USP24: variants seen among roughly 807,000 people sequenced by gnomAD.
USP24 encodes the protein ubiquitin carboxyl-terminal hydrolase 24.
Under a neutral mutation model 361.6 loss-of-function variants are expected in USP24, and 97 were observed. The ratio of observed to expected loss-of-function variants is 0.27; its 90% CI spans 0.23 to 0.32. The LOEUF is 0.32. USP24 is among the 10% of genes least tolerant of loss of function. USP24 has a pLI of 1.00. For missense variants in USP24, 2,353 were observed against 3,165.6 expected, an observed-to-expected ratio of 0.74 and a Z score of 6.16; for synonymous variants, 1,098 against 1,124.6, an observed-to-expected ratio of 0.98 and a Z score of 0.47.
intron 52 of USP24, 112 bp downstream of exon 52, chr1:55,093,825 C>T (rs1367372598): frequency 4.9e-6 from 7 of 1,431,274 alleles, no homozygotes; most frequent in East Asian, 4.8e-5. Flanking sequence ...GTGTGTAAGA[C>T]GATGTAGCCC....
rs76569508 is a variant in USP24 at position 55,176,226 on chromosome 1, G to A, written c.558+150C>T. The A allele has an allele frequency of 1.3e-3, 709 of 537,232 alleles. 2 individuals carry two copies. Among genetic ancestry groups the A allele is most frequent in the African/African-American group, 0.012 (606 of 51,638 alleles). The allele number at this position is 537,232 out of a possible 1,614,324, so 33.3% of individuals were successfully genotyped here. Reference sequence around the variant, plus strand: ...TTATAAGCCCCAAATTCAGAGTTCCGTTTTTCATATTAGAGGATTCCTCAG... The same window carrying A: ...TTATAAGCCCCAAATTCAGAGTTCCATTTTTCATATTAGAGGATTCCTCAG... On this transcript the variant is annotated intron_variant, in intron 3 of 67. Coordinates refer to ENST00000294383, the MANE Select transcript of USP24 (RefSeq NM_015306.3).
Position 55,068,994 on chromosome 1 carries a change from G to C in USP24, c.*51C>G. 2 of 1,586,144 alleles carry C rather than the reference G, an allele frequency of 1.3e-6. No homozygotes were observed. The highest frequency in any genetic ancestry group is 1.7e-6 in the Non-Finnish European group (2 of 1,155,064). ...TTCGAGATTCTGATTCCAAGAAGGT[G>C]CTGAGCATCCAGTATTGTGTCTTGA... On this transcript the variant is annotated 3_prime_UTR_variant, in exon 68 of 68. Transcript: ENST00000294383.
intron 30 of USP24, 133 bp downstream of exon 30, chr1:55,133,936 GA>G (rs1215328055): frequency 1.2e-6 from 1 of 858,366 alleles, no homozygotes; most frequent in Admixed American, 2.3e-5. Context: ...CTGGGCTGGT[GA>G]AGGTATTTTT....
At position 55,100,900 on chromosome 1, in the gene USP24, G is replaced by A; in HGVS notation, c.5210C>T (p.Ser1737Phe). ...GCTTTCCATTAAATGTCCAAAGAGA[G>A]ACTGCACTTGGTAAAACACGCTATC... ...PDDSVFYQVQ[S>F]LFGHLMESKL... The change falls in exon 44 of 68, where the codon TCT becomes TTT. Residue 1737 changes from serine (S) to phenylalanine (F), a missense_variant. Around this residue, in one of 8 missense-constraint regions of USP24, gnomAD observed 949 missense variants for 1,280.5 expected, o/e 0.74. Transcript: ENST00000294383. The A allele has an allele frequency of 6.2e-7, 1 of 1,613,700 alleles. No individual in the cohort carries two copies. The highest frequency in any genetic ancestry group is 1.1e-5 in the South Asian group (1 of 91,060).
intron 46 of USP24, 37 bp downstream of exon 46, chr1:55,098,439 T>C (rs1439375752): frequency 1.3e-6 from 2 of 1,553,506 alleles, no homozygotes; most frequent in Admixed American, 1.7e-5. Flanking sequence ...TTCAAAAGGA[T>C]GATCATTTTT....
intron 38 of USP24, among the ~76,000 whole-genome samples, chr1:55,119,597 A>G (rs904846444): frequency 6.6e-6 from 1 of 152,156 alleles, no homozygotes; most frequent in Non-Finnish European, 1.5e-5. Context: ...AAATTTGGCA[A>G]TTCAAAAAAA....
chr1:55,177,539 A>G (rs1261472342), intron 2 of USP24, among the ~76,000 whole-genome samples: 1 of 152,130 alleles, frequency 6.6e-6, no homozygotes, highest in Non-Finnish European at 1.5e-5. Context: ...AGGTGTTCAT[A>G]CTGACACCCA....
chr1:55,151,924 T>A, intron 16 of USP24: 3 of 985,722 alleles, frequency 3.0e-6, no homozygotes, highest in Non-Finnish European at 3.6e-6. Context: ...TTTGCTTAGT[T>A]TCTGTGTAGC....
At chr1:55,121,151 C>A (rs193009237) in intron 37 of USP24, among the ~76,000 whole-genome samples, 2 of 152,228 alleles carry the variant, frequency 1.3e-5, no homozygotes, top group Admixed American at 1.3e-4. Context: ...TGCCAGCTGC[C>A]CTTGTGAGCT....
At position 55,148,521 on chromosome 1, in the gene USP24, C is replaced by T. The variant is rs369382694; in HGVS notation, c.1910G>A (p.Arg637His). 48 of 1,596,674 alleles carry T rather than the reference C, an allele frequency of 3.0e-5. No homozygotes were observed. The highest frequency in any genetic ancestry group is 3.6e-5 in the Non-Finnish European group (42 of 1,170,678). ...TGAGCGAGTAATTTCATGGAGCTGA[C>T]GCAAAGCTGGTACCACCCATACAAA... Reference protein sequence around the residue: ...PQFVWVVPALRQLHEITRSFI... With the variant: ...PQFVWVVPALHQLHEITRSFI... The change falls in exon 17 of 68, where the codon CGT (arginine) becomes CAT (histidine). Residue 637 changes from arginine (R) to histidine (H), a missense_variant. This residue lies in a region of USP24 where 386 missense variants were observed against 560.5 expected (regional missense o/e 0.69). Transcript: ENST00000294383.
At chr1:55,123,735 A>G in intron 35 of USP24, 133 bp from the exon 36 acceptor site, 1 of 899,250 alleles carries the variant, frequency 1.1e-6, no homozygotes, top group African/African-American at 1.7e-5. Flanking sequence ...CCAAGAAGCA[A>G]GAGAGATTTA....
chr1:55,143,324 TC>T (rs1171650095), intron 21 of USP24, among the ~76,000 whole-genome samples: 1 of 152,130 alleles, frequency 6.6e-6, no homozygotes. Flanking sequence ...CTGGGCAAAT[TC>T]CACGGGAACC....
chr1:55,162,196 T>C lies in USP24; in HGVS notation c.993+3A>G. On this transcript the variant is annotated splice_donor_region_variant and intron_variant, in intron 8 of 67. Transcript: ENST00000294383. ...GAAGTAATGTGAAATGGTTTAATCC[T>C]ACCTGTACCACGGAGGAATTGAGGT... The C allele has an allele frequency of 6.3e-7, 1 of 1,592,426 alleles. No individual in the cohort carries two copies. Among genetic ancestry groups the C allele is most frequent in the Non-Finnish European group, 8.5e-7 (1 of 1,171,126 alleles).
intron 7 of USP24, among the ~76,000 whole-genome samples, chr1:55,164,568 T>G (rs1648629274): frequency 6.6e-6 from 1 of 152,106 alleles, no homozygotes; most frequent in Admixed American, 6.6e-5. Context: ...CTTTGGAATC[T>G]CTCCAATGCC....
chr1:55,089,182 A>AG (rs1422713509), intron 55 of USP24, among the ~76,000 whole-genome samples: 1 of 152,210 alleles, frequency 6.6e-6, no homozygotes, highest in Non-Finnish European at 1.5e-5. Context: ...CAGGGATTAC[A>AG]GGTGCGAGCC....
intron 5 of USP24, 36 bp downstream of exon 5, chr1:55,171,520 T>C: frequency 6.4e-7 from 1 of 1,573,486 alleles, no homozygotes; most frequent in Non-Finnish European, 8.6e-7. Context: ...TTTCAATACA[T>C]TTTTCTATAA....
Position 55,097,165 on chromosome 1 carries a change from C to T in USP24, c.5723G>A (p.Trp1908Ter). Residue 1908 changes from tryptophan (W) to a stop codon, truncating the protein, a stop_gained, in exon 49 of 68, where the codon TGG (tryptophan) becomes TAG (stop). Coordinates refer to ENST00000294383, the MANE Select transcript of USP24 (RefSeq NM_015306.3). LOFTEE classifies it high-confidence loss of function. ...TGTGTAAGGCTCCATGTTTAGCATC[C>T]AGGGAAACTATGTAGAAGCAAAAAG... ...IKYDEQIRFP[W>*]MLNMEPYTVS... 1 of 1,613,814 alleles carries T rather than the reference C, an allele frequency of 6.2e-7. No homozygotes were observed. Among genetic ancestry groups the T allele is most frequent in the South Asian group, 1.1e-5 (1 of 91,050 alleles).
intron 48 of USP24, 114 bp from the exon 49 acceptor site, chr1:55,097,286 C>T (rs1645517723): frequency 8.4e-7 from 1 of 1,193,772 alleles, no homozygotes; most frequent in African/African-American, 1.5e-5. Flanking sequence ...CTAGGAACAA[C>T]TACCTCACCA....
At position 55,106,139 on chromosome 1, in the gene USP24, T is replaced by C. The variant is rs761152972; in HGVS notation, c.4880+7A>G. 1 of 1,604,584 alleles carries C rather than the reference T, an allele frequency of 6.2e-7. No individual in the cohort carries two copies. The highest frequency in any genetic ancestry group is 8.5e-7 in the Non-Finnish European group (1 of 1,171,494). On this transcript the variant is annotated splice_region_variant and intron_variant, in intron 41 of 67. Transcript: ENST00000294383. ...CCAAAACTGAACACAACGTGCATTT[T>C]CCATACTTTGGATGAAAGTCCTGTT... is the stretch of plus-strand genomic sequence containing the variant.
Sources: gnomAD v4.1 joint callset for allele counts (sites outside exome capture counted in the v4.1 genomes callset) on GRCh38, gnomAD v4.1.1 for gene constraint, gnomAD v4.1.1 regional missense constraint, MANE v1.5 for transcripts, NCBI Gene and HGNC (gene_info 2026-07-23, HGNC 2026-07-21) for gene names.